POLR1A: variants seen among roughly 807,000 people sequenced by gnomAD.
The protein encoded by POLR1A is DNA-directed RNA polymerase I subunit RPA1.
POLR1A carries 84 observed loss-of-function variants against 205.3 expected under a neutral mutation model. The ratio of observed to expected loss-of-function variants is 0.41; its 90% confidence interval spans 0.34 to 0.49. The LOEUF (loss-of-function observed/expected upper bound fraction) is 0.49, where lower values mean the gene tolerates loss of function less well. Ranked by LOEUF, POLR1A falls within the 20% of genes least tolerant of loss-of-function variation. The probability of loss-of-function intolerance (pLI) is 0.22; values close to 1 mark genes in which losing one functional copy is unlikely to be tolerated. For missense variants in POLR1A, 1,645 were observed against 2,204.5 expected, an observed-to-expected ratio of 0.75 and a Z score of 5.08; for synonymous variants, 799 against 863.7, an observed-to-expected ratio of 0.93 and a Z score of 1.31.
At chr2:86,066,959 A>C (rs1281147384) in intron 13 of POLR1A, among the ~76,000 whole-genome samples, 2 of 151,984 alleles carry the variant, frequency 1.3e-5, no homozygotes, top group African/African-American at 4.8e-5. Flanking sequence ...TATGCATTTG[A>C]CTCATCTCAC....
chr2:86,096,503 C>T (rs1341423400), intron 3 of POLR1A, among the ~76,000 whole-genome samples: 1 of 152,048 alleles, frequency 6.6e-6, no homozygotes, highest in African/African-American at 2.4e-5. Flanking sequence ...AAGCTGGAGG[C>T]ATCACACTAC....
Position 86,054,092 on chromosome 2 carries a change from T to C in POLR1A, c.2208+48A>G, listed in dbSNP as rs1672853845. 3.8e-6 allele frequency: 6 copies of C among 1,595,522 alleles called. No homozygotes were observed. In the South Asian group the frequency reaches 6.6e-5, roughly 18 times the overall value. On this transcript the variant is annotated intron_variant, in intron 15 of 33. Transcript: ENST00000263857. ...TGTCTCCATTTTAAACCAATCTGTC[T>C]AACCCCGGCACTAGAAGTCTCCACT... is the stretch of plus-strand genomic sequence containing the variant.
rs971382950 is a variant in POLR1A, at chr2:86,028,826, T to C, written c.4780-115A>G. On this transcript the variant is annotated intron_variant, in intron 31 of 33. Transcript: ENST00000263857. This position sits in a 1 kb window ranked among gnomAD's most constrained non-coding sequence, Gnocchi z 4.5. ...CTTGTGTCTGGCAGCTCGGTACAGC[T>C]GATGACAAAGTGGTCAAGAGGTGGC... The C allele has an allele frequency of 5.4e-6, 4 of 736,860 alleles. No individual in the cohort carries two copies. Among genetic ancestry groups the C allele is most frequent in the Non-Finnish European group, 9.5e-6 (4 of 423,176 alleles). The allele number at this position is 736,860 out of a possible 1,614,324, so 45.6% of individuals were successfully genotyped here. A position where few individuals can be genotyped will look rare whatever the true frequency, so the allele number is the denominator to read the frequency against.
At chr2:86,042,134 G>C in intron 23 of POLR1A, 31 bp from the exon 24 acceptor site, 1 of 1,489,850 alleles carries the variant, frequency 6.7e-7, no homozygotes, top group Non-Finnish European at 9.4e-7. Context: ...CAGCTATGTG[G>C]GAGGGATACC....
At position 86,028,705 on chromosome 2, in the gene POLR1A, C is replaced by T. The variant is rs1179829677; in HGVS notation, c.4786G>A (p.Asp1596Asn). 1 of 1,613,128 alleles carries T rather than the reference C, an allele frequency of 6.2e-7. No individual in the cohort carries two copies. Among genetic ancestry groups the T allele is most frequent in the East Asian group, 2.2e-5 (1 of 44,878 alleles). Reference sequence around the variant, plus strand: ...TCGTTGGAGTAGAGGCGGCGCAGATCCAGGACCTGGAGAGAGGAAGGAAGG... The same window carrying T: ...TCGTTGGAGTAGAGGCGGCGCAGATTCAGGACCTGGAGAGAGGAAGGAAGG... ...PELFKYAEVL[D>N]LRRLYSNDIH... is the part of the protein sequence containing the mutation. Residue 1596 changes from aspartate to asparagine, a missense_variant, in exon 32 of 34, where the codon GAT becomes AAT. This residue lies in a region of POLR1A where 394 missense variants were observed against 468.5 expected (regional missense o/e 0.84). Coordinates refer to ENST00000263857, the MANE Select transcript of POLR1A (RefSeq NM_015425.6). The surrounding 1 kb of genome is among the most constrained non-coding windows in gnomAD (Gnocchi z 4.5).
rs749956655 is a variant in POLR1A, at chr2:86,105,773, A to G, written c.4T>C (p.Leu2=). 1 of 1,613,590 alleles carries G rather than the reference A, an allele frequency of 6.2e-7. No homozygotes were observed. The highest frequency in any genetic ancestry group is 2.2e-5 in the East Asian group (1 of 44,872). ...CGCCAGGGCATGTTCTTGGAGATCA[A>G]CATCCTCCAGGTCCGTTTTGAATTC... is the stretch of plus-strand genomic sequence containing the variant. M[L]ISKNMPWRRL... Residue 2 remains leucine, a synonymous_variant, in exon 1 of 34, where the codon TTG becomes CTG. Coordinates refer to ENST00000263857, the MANE Select transcript of POLR1A (RefSeq NM_015425.6).
In POLR1A at chr2:86,045,715, C is replaced by T; in HGVS notation, c.2788G>A (p.Ala930Thr). 6.2e-7 allele frequency: 1 copy of T among 1,610,304 alleles called. No individual in the cohort carries two copies. The highest frequency in any genetic ancestry group is 8.5e-7 in the Non-Finnish European group (1 of 1,179,154). Residue 930 changes from alanine (A) to threonine (T), a missense_variant, in exon 20 of 34, where the codon GCG (alanine) becomes ACG (threonine). This residue lies in a region of POLR1A where 339 missense variants were observed against 415.1 expected (regional missense o/e 0.82). Coordinates refer to ENST00000263857, the MANE Select transcript of POLR1A (RefSeq NM_015425.6). The part of the protein sequence containing the change: ...ELEGRRPPLM[A>T]SGKSLPCFEP... ...AAGCAGGGCAGTGACTTGCCAGACG[C>T]CATCAGCGGGGGTCTCCGACCTTCC...
At chr2:86,058,398 CTTT>C (rs11350157) in intron 14 of POLR1A, among the ~76,000 whole-genome samples, 1 of 120,092 alleles carries the variant, frequency 8.3e-6, no homozygotes, top group Non-Finnish European at 1.7e-5. Context: ...CTCACCCAGC[CTTT>C]TTTTTTTTTT....
chr2:86,100,066 C>G lies in POLR1A; in HGVS notation c.184G>C (p.Glu62Gln). ...TCCTGCACGCAGGTGGAGCACACCT[C>G]TTTGGAATCTGCAGGGCCCAAAGCT... ...DLALGPADSK[E>Q]VCSTCVQDFS... The change falls in exon 2 of 34, where the codon GAG becomes CAG. Residue 62 changes from glutamate to glutamine, a missense_variant. Around this residue, in one of 16 missense-constraint regions of POLR1A, gnomAD observed 330 missense variants for 375.6 expected, o/e 0.88. Transcript: ENST00000263857. The G allele has an allele frequency of 6.2e-7, 1 of 1,614,212 alleles. No homozygotes were observed. The highest frequency in any genetic ancestry group is 8.5e-7 in the Non-Finnish European group (1 of 1,180,030).
At chr2:86,045,570 G>A in intron 20 of POLR1A, 47 bp downstream of exon 20, 1 of 1,597,856 alleles carries the variant, frequency 6.3e-7, no homozygotes, top group African/African-American at 1.3e-5. Flanking sequence ...CTACAATTAA[G>A]CCTAGAAATG....
At chr2:86,051,468 T>C (rs939360318) in intron 16 of POLR1A, among the ~76,000 whole-genome samples, 1 of 152,208 alleles carries the variant, frequency 6.6e-6, no homozygotes, top group Non-Finnish European at 1.5e-5. Flanking sequence ...AAACTCCAGC[T>C]GCAGCAGCTG....
At chr2:86,095,511 A>G (rs867222517) in intron 3 of POLR1A, among the ~76,000 whole-genome samples, 2 of 152,348 alleles carry the variant, frequency 1.3e-5, no homozygotes, top group Middle Eastern at 6.8e-3. Flanking sequence ...TTACATATCA[A>G]CAAACAAAAT....
At chr2:86,097,234 A>AAAAAAAAAAAAG in intron 3 of POLR1A, among the ~76,000 whole-genome samples, 1 of 147,710 alleles carries the variant, frequency 6.8e-6, no homozygotes, top group Non-Finnish European at 1.5e-5. Flanking sequence ...AAAAAAAAAA[A>AAAAAAAAAAAAG]AAAAAAAAGC....
chr2:86,032,474 C>G, intron 28 of POLR1A, 92 bp from the exon 29 acceptor site: 2 of 916,602 alleles, frequency 2.2e-6, no homozygotes, highest in South Asian at 2.8e-5. Context: ...TCCATCCATC[C>G]ATGCCCCACC....
chr2:86,038,774 C>A lies in POLR1A; in HGVS notation c.3960G>T (p.Gln1320His), dbSNP rs754974744. ...GCTGGTAATATGCATGTGGCAGGAACTGAAACCGCAGCTGGTACACCTGGA... is the reference window on the plus strand; with the variant it reads ...GCTGGTAATATGCATGTGGCAGGAAATGAAACCGCAGCTGGTACACCTGGA... The part of the protein sequence containing the change: ...NKFQVYQLRF[Q>H]FLPHAYYQQE... Residue 1320 changes from glutamine (Q) to histidine (H), a missense_variant, in exon 27 of 34, where the codon CAG becomes CAT. Gln to His is a conservative substitution (Grantham distance 24, BLOSUM62 0). Transcript: ENST00000263857. The A allele has an allele frequency of 3.1e-6, 5 of 1,613,882 alleles. No individual in the cohort carries two copies. The Middle Eastern group carries it at 6.6e-4, about 213-fold the overall frequency.
At chr2:86,052,337 G>C (rs1158706284) in intron 16 of POLR1A, among the ~76,000 whole-genome samples, 1 of 152,212 alleles carries the variant, frequency 6.6e-6, no homozygotes, top group Non-Finnish European at 1.5e-5. Context: ...CAGGGAATGG[G>C]GTTGTAAGAG....
chr2:86,030,137 G>C, intron 31 of POLR1A, 59 bp downstream of exon 31: 1 of 1,433,054 alleles, frequency 7.0e-7, no homozygotes, highest in Admixed American at 1.7e-5. Context: ...GCTGGGTCTT[G>C]AGACAACGTG....
In POLR1A at chr2:86,028,698, C is replaced by T. The variant is rs776817775; in HGVS notation, c.4793G>A (p.Arg1598His). The change falls in exon 32 of 34, where the codon CGC (arginine) becomes CAC (histidine). Residue 1598 changes from arginine to histidine, a missense_variant. By Grantham distance (29) the Arg-to-His change is conservative. Coordinates refer to ENST00000263857, the MANE Select transcript of POLR1A (RefSeq NM_015425.6). The surrounding 1 kb of genome is among the most constrained non-coding windows in gnomAD (Gnocchi z 4.5). Reference sequence around the variant, plus strand: ...GTGGATGTCGTTGGAGTAGAGGCGGCGCAGATCCAGGACCTGGAGAGAGGA... The same window carrying T: ...GTGGATGTCGTTGGAGTAGAGGCGGTGCAGATCCAGGACCTGGAGAGAGGA... ...LFKYAEVLDL[R>H]RLYSNDIHAI... 9.3e-6 allele frequency: 15 copies of T among 1,613,608 alleles called. No individual in the cohort carries two copies. The highest frequency in any genetic ancestry group is 5.5e-5 in the South Asian group (5 of 91,080).
At chr2:86,069,182 C>T (rs1014579963) in intron 13 of POLR1A, among the ~76,000 whole-genome samples, 3 of 152,204 alleles carry the variant, frequency 2.0e-5, no homozygotes, top group African/African-American at 4.8e-5. Flanking sequence ...GAAATGGGAG[C>T]CTTGGTTTGA....
Sources: allele counts gnomAD v4.1 joint callset (sites outside exome capture counted in the v4.1 genomes callset), GRCh38; gene constraint gnomAD v4.1.1; regional missense constraint gnomAD v4.1.1; non-coding constraint Gnocchi (gnomAD v3.1); transcripts MANE v1.5; gene names NCBI Gene and HGNC (gene_info 2026-07-23, HGNC 2026-07-21).